CSTPP1: variants seen among roughly 807,000 people sequenced by gnomAD.
CSTPP1 encodes the protein UPF0705 protein C11orf49.
chr11:47,031,227 TTAA>T, the CSTPP1 span, among the ~76,000 whole-genome samples: 1 of 152,250 alleles, frequency 6.6e-6, no homozygotes, highest in East Asian at 1.9e-4. Context: ...TAGATACCAC[TTAA>T]TAGAATTCTG....
chr11:47,004,890 C>T, the CSTPP1 span, among the ~76,000 whole-genome samples: 13 of 152,304 alleles, frequency 8.5e-5, no homozygotes, highest in South Asian at 2.3e-3. Flanking sequence ...AGCCAAGCTC[C>T]AGCCTCTGAA....
chr11:47,016,266 TC>T, the CSTPP1 span, among the ~76,000 whole-genome samples: 1 of 151,990 alleles, frequency 6.6e-6, no homozygotes, highest in African/African-American at 2.4e-5. Flanking sequence ...ATTTCCATTC[TC>T]ACCATTTTTG....
At chr11:47,032,129 C>T in the CSTPP1 span, among the ~76,000 whole-genome samples, 1 of 152,182 alleles carries the variant, frequency 6.6e-6, no homozygotes, top group East Asian at 1.9e-4. Context: ...CTCACCGACA[C>T]ACCCAGGATC....
At chr11:46,956,556 C>T in the CSTPP1 span, among the ~76,000 whole-genome samples, 2 of 152,086 alleles carry the variant, frequency 1.3e-5, no homozygotes, top group Admixed American at 6.5e-5. Context: ...CCACCCAATG[C>T]GTTCTATTGT....
chr11:47,117,938 G>C, the CSTPP1 span, among the ~76,000 whole-genome samples: 1 of 139,712 alleles, frequency 7.2e-6, no homozygotes, highest in Non-Finnish European at 1.5e-5. Flanking sequence ...AGAGTGCAAT[G>C]GCACGATCTT....
chr11:47,110,652 G>C, the CSTPP1 span, among the ~76,000 whole-genome samples: 1 of 152,166 alleles, frequency 6.6e-6, no homozygotes, highest in Non-Finnish European at 1.5e-5. Context: ...GGTGGTGCCT[G>C]GCTTTGCTTT....
At chr11:47,075,322 G>A in the CSTPP1 span, among the ~76,000 whole-genome samples, 16 of 152,250 alleles carry the variant, frequency 1.1e-4, no homozygotes, top group East Asian at 2.3e-3. Flanking sequence ...AGTGAGCCGA[G>A]ATCGCAGCAC....
the CSTPP1 span, among the ~76,000 whole-genome samples, chr11:47,109,475 A>T: frequency 6.6e-6 from 1 of 152,156 alleles, no homozygotes; most frequent in Non-Finnish European, 1.5e-5. Flanking sequence ...GTTGTTTTTT[A>T]AAAATGTTCT....
At chr11:47,038,142 C>G in the CSTPP1 span, among the ~76,000 whole-genome samples, 8 of 28,574 alleles carry the variant, frequency 2.8e-4, no homozygotes, top group East Asian at 8.7e-4. Flanking sequence ...GCGGCTGGCC[C>G]GGGCGGGGGG....
chr11:47,117,982 C>A, the CSTPP1 span, among the ~76,000 whole-genome samples: 2 of 145,828 alleles, frequency 1.4e-5, no homozygotes, highest in African/African-American at 5.1e-5. Flanking sequence ...CAGGTTCAAG[C>A]AATTCTCCTG....
At chr11:47,052,529 C>T in the CSTPP1 span, 30 of 1,611,942 alleles carry the variant, frequency 1.9e-5, no homozygotes, top group East Asian at 6.0e-4. Flanking sequence ...GTAAGTCTTC[C>T]CAAATTCTTT....
the CSTPP1 span, among the ~76,000 whole-genome samples, chr11:47,047,907 C>T: frequency 6.6e-6 from 1 of 152,298 alleles, no homozygotes; most frequent in East Asian, 1.9e-4. Context: ...TGAAAAGATG[C>T]TCAACATCAT....
the CSTPP1 span, chr11:47,137,452 G>A: frequency 6.0e-6 from 9 of 1,507,202 alleles, no homozygotes; most frequent in Non-Finnish European, 7.9e-6. Context: ...CTCCCACCCT[G>A]GAAAAGCTTT....
the CSTPP1 span, among the ~76,000 whole-genome samples, chr11:47,025,942 G>A: frequency 6.6e-6 from 1 of 152,190 alleles, no homozygotes; most frequent in Non-Finnish European, 1.5e-5. Context: ...TATGTGATCT[G>A]GCAGTAAAAC....
At chr11:47,014,778 AG>A in the CSTPP1 span, among the ~76,000 whole-genome samples, 3 of 130,596 alleles carry the variant, frequency 2.3e-5, no homozygotes, top group Non-Finnish European at 4.8e-5. Context: ...GGAAGGAAGG[AG>A]GGAGGGAGGG....
At chr11:47,154,843 T>G in the CSTPP1 span, 1 of 413,790 alleles carries the variant, frequency 2.4e-6, no homozygotes. Flanking sequence ...CTTGGCTGCA[T>G]TACAGTTGCA....
the CSTPP1 span, among the ~76,000 whole-genome samples, chr11:46,937,884 G>A: frequency 6.9e-6 from 1 of 144,738 alleles, no homozygotes. Context: ...TTTTAAAGAC[G>A]TTTTGTTTTG....
chr11:46,954,411 T>C, the CSTPP1 span, among the ~76,000 whole-genome samples: 258 of 152,140 alleles, frequency 1.7e-3, no homozygotes, highest in African/African-American at 5.7e-3. Context: ...TGGTTGGGTA[T>C]GGTGGCAGGT....
chr11:46,947,181 T>A, the CSTPP1 span, among the ~76,000 whole-genome samples: 1 of 152,182 alleles, frequency 6.6e-6, no homozygotes, highest in African/African-American at 2.4e-5. Context: ...GGAAGGAGAT[T>A]TTCTACAATT....
Sources: gnomAD v4.1 joint callset for allele counts (sites outside exome capture counted in the v4.1 genomes callset) on GRCh38, gnomAD v4.1.1 for gene constraint, MANE v1.5 for transcripts, NCBI Gene and HGNC (gene_info 2026-07-23, HGNC 2026-07-21) for gene names.